Variants in PTPRD observed in about 807,000 individuals in gnomAD.
PTPRD encodes receptor-type tyrosine-protein phosphatase delta.
Under a neutral mutation model 214.5 loss-of-function variants are expected in PTPRD, and 34 were observed. The observed-to-expected ratio is 0.16, with a 90% CI of 0.12 to 0.21. The LOEUF is 0.21. Among genes scored for constraint, PTPRD ranks in the 10% least tolerant of loss-of-function variants. The pLI, the probability that PTPRD is intolerant of heterozygous loss-of-function variation, is 1.00. For synonymous variants in PTPRD, 1,128 were observed against 845.7 expected (o/e 1.33, Z -5.79); for missense variants, 2,545 against 2,398.7 (o/e 1.06, Z -1.27).
At chr9:9,626,305 C>T (rs563311081) in intron 7 of PTPRD, among the ~76,000 whole-genome samples, 13 of 152,252 alleles carry the variant, frequency 8.5e-5, no homozygotes, top group African/African-American at 2.2e-4. Context: ...TTTATAATGA[C>T]GCTTGCAAAG....
intron 2 of PTPRD, among the ~76,000 whole-genome samples, chr9:10,597,364 T>A (rs529813271): frequency 7.9e-5 from 12 of 151,914 alleles, no homozygotes; most frequent in South Asian, 4.1e-4. Flanking sequence ...AAGCTATGCT[T>A]CGAATGAATA....
intron 14 of PTPRD, among the ~76,000 whole-genome samples, chr9:8,633,004 T>C (rs1183769467): frequency 1.3e-5 from 2 of 151,892 alleles, no homozygotes; most frequent in African/African-American, 4.8e-5. Context: ...GCACGAGTAA[T>C]GCCAACATAT....
At chr9:10,418,020 G>C (rs2098509197) in intron 2 of PTPRD, among the ~76,000 whole-genome samples, 1 of 151,322 alleles carries the variant, frequency 6.6e-6, no homozygotes, top group Non-Finnish European at 1.5e-5. Context: ...CAGAAAAAAA[G>C]GAAGAAAAAA....
At chr9:9,106,947 G>C (rs2099799524) in intron 10 of PTPRD, among the ~76,000 whole-genome samples, 1 of 152,080 alleles carries the variant, frequency 6.6e-6, no homozygotes, top group African/African-American at 2.4e-5. Context: ...GGCCTAATTG[G>C]GAGAACAGTC....
chr9:10,438,170 T>C (rs897758901), intron 2 of PTPRD, among the ~76,000 whole-genome samples: 1 of 151,212 alleles, frequency 6.6e-6, no homozygotes, highest in Admixed American at 6.6e-5. Context: ...CATTTTCATT[T>C]TCCTTTTTGG....
intron 10 of PTPRD, among the ~76,000 whole-genome samples, chr9:9,066,137 C>A (rs2099731323): frequency 6.7e-6 from 1 of 150,020 alleles, no homozygotes; most frequent in African/African-American, 2.4e-5. Context: ...ATATTTATTT[C>A]TTTTGTATGT....
At chr9:8,550,830 A>G (rs1275089536) in intron 14 of PTPRD, among the ~76,000 whole-genome samples, 1 of 152,214 alleles carries the variant, frequency 6.6e-6, no homozygotes, top group Non-Finnish European at 1.5e-5. Flanking sequence ...TTTCTTTTGT[A>G]CAGGCCTGGG....
chr9:8,530,682 A>T (rs558968590), intron 14 of PTPRD, among the ~76,000 whole-genome samples: 44 of 152,184 alleles, frequency 2.9e-4, no homozygotes, highest in African/African-American at 1.0e-3. Flanking sequence ...CTGTTTAAAA[A>T]ATATATATAT....
chr9:9,896,336 G>A (rs1339021445), intron 5 of PTPRD, among the ~76,000 whole-genome samples: 1 of 152,078 alleles, frequency 6.6e-6, no homozygotes, highest in Admixed American at 6.6e-5. Context: ...CAGCTAGAAT[G>A]TCAGACCTTT....
chr9:9,422,140 T>A (rs927719431), intron 8 of PTPRD, among the ~76,000 whole-genome samples: 3 of 152,090 alleles, frequency 2.0e-5, no homozygotes, highest in African/African-American at 7.2e-5. Context: ...GAGCTTTGTA[T>A]GCATCGCTTT....
chr9:9,373,291 TA>T (rs1569567790), intron 9 of PTPRD, among the ~76,000 whole-genome samples: 1 of 152,060 alleles, frequency 6.6e-6, no homozygotes, highest in African/African-American at 2.4e-5. Context: ...GTGAGAGAAA[TA>T]AGTCAATTTA....
chr9:10,362,697 T>C (rs559389756), intron 2 of PTPRD, among the ~76,000 whole-genome samples: 184 of 151,900 alleles, frequency 1.2e-3, no homozygotes, highest in Non-Finnish European at 8.4e-4. Context: ...CTGGCCAACA[T>C]GATGAAACCC....
chr9:10,145,135 T>G (rs888568889), intron 3 of PTPRD, among the ~76,000 whole-genome samples: 2 of 152,158 alleles, frequency 1.3e-5, no homozygotes, highest in Admixed American at 6.6e-5. Flanking sequence ...AGGTTTAGAT[T>G]ACATTTTAAT....
chr9:8,966,857 T>C (rs1484176366), intron 11 of PTPRD, among the ~76,000 whole-genome samples: 1 of 151,942 alleles, frequency 6.6e-6, no homozygotes, highest in African/African-American at 2.4e-5. Flanking sequence ...AAACTGTGCA[T>C]CCGACAAAGA....
Position 9,814,798 on chromosome 9 carries a change from T to A in PTPRD, c.-367-47947A>T, listed in dbSNP as rs971342493. On this transcript the variant is annotated intron_variant, in intron 5 of 45. Transcript: ENST00000381196. ...AACGCTCCAAATACCAAAGTGACTT[T>A]TTTTTTTTTTTTTTTTTTCGATACA... Among the ~76,000 whole-genome samples, 3 of 74,598 alleles carry A rather than the reference T, an allele frequency of 4.0e-5. No homozygotes were observed. The African/African-American group carries it at 5.5e-4, about 14-fold the overall frequency. 48.9% of individuals were successfully genotyped at this position (74,598 alleles called of 152,430 possible). A position where few individuals can be genotyped will look rare whatever the true frequency, so the allele number is the denominator to read the frequency against.
chr9:8,712,999 G>C (rs1049916965), intron 12 of PTPRD, among the ~76,000 whole-genome samples: 1 of 152,178 alleles, frequency 6.6e-6, no homozygotes, highest in African/African-American at 2.4e-5. Context: ...GATTATAGGC[G>C]TGAGCCACCG....
intron 5 of PTPRD, among the ~76,000 whole-genome samples, chr9:9,836,725 T>C (rs1470152252): frequency 2.6e-5 from 4 of 152,156 alleles, no homozygotes; most frequent in African/African-American, 9.7e-5. Context: ...CCTGTGTGAA[T>C]TTGAGCAAGT....
At chr9:8,852,353 C>T (rs2097835963) in intron 11 of PTPRD, among the ~76,000 whole-genome samples, 1 of 152,148 alleles carries the variant, frequency 6.6e-6, no homozygotes, top group Non-Finnish European at 1.5e-5. Flanking sequence ...AGCCATGTGG[C>T]AAAGGTCACT....
chr9:9,208,930 C>A (rs966720694), intron 9 of PTPRD, among the ~76,000 whole-genome samples: 7 of 151,964 alleles, frequency 4.6e-5, no homozygotes, highest in Non-Finnish European at 5.9e-5. Flanking sequence ...GCCTCAGCCT[C>A]CCGAGTAGCT....
Sources: allele counts gnomAD v4.1 joint callset (sites outside exome capture counted in the v4.1 genomes callset), GRCh38; gene constraint gnomAD v4.1.1; transcripts MANE v1.5; gene names NCBI Gene and HGNC (gene_info 2026-07-23, HGNC 2026-07-21).